The following DCBLD2 variants were observed in gnomAD, a reference collection of about 807,000 sequenced individuals.
DCBLD2 encodes discoidin, CUB and LCCL domain containing 2.
DCBLD2 carries 54 observed loss-of-function variants against 86.8 expected under a neutral mutation model. The observed-to-expected ratio is 0.62, with a 90% CI of 0.50 to 0.78. The LOEUF (loss-of-function observed/expected upper bound fraction) is 0.78. Ranked by LOEUF, DCBLD2 falls within the 30% of genes least tolerant of loss-of-function variation. DCBLD2 has a pLI of 0.00. For synonymous variants in DCBLD2, 354 were observed against 341.3 expected (o/e 1.04, Z -0.41); for missense variants, 908 against 954.2 (o/e 0.95, Z 0.64).
chr3:98,824,056 G>A (rs974526314), intron 4 of DCBLD2, among the ~76,000 whole-genome samples: 1 of 152,136 alleles, frequency 6.6e-6, no homozygotes, highest in East Asian at 1.9e-4. Flanking sequence ...AAGTGGGGAC[G>A]GCAGTGCAAG....
chr3:98,853,585 A>T (rs1037782102), intron 2 of DCBLD2, among the ~76,000 whole-genome samples: 4 of 152,190 alleles, frequency 2.6e-5, no homozygotes, highest in African/African-American at 9.7e-5. Flanking sequence ...GAGTATAGAG[A>T]CCTTATGGTC....
chr3:98,802,934 C>A (rs909420601), intron 13 of DCBLD2, among the ~76,000 whole-genome samples: 1 of 152,146 alleles, frequency 6.6e-6, no homozygotes, highest in African/African-American at 2.4e-5. Flanking sequence ...CAGTATCATG[C>A]TGTTTTGGTT....
chr3:98,846,827 T>C (rs1942733669), intron 3 of DCBLD2, among the ~76,000 whole-genome samples: 1 of 152,074 alleles, frequency 6.6e-6, no homozygotes, highest in African/African-American at 2.4e-5. Flanking sequence ...GACATTAAGG[T>C]TTCTGTGGGC....
intron 14 of DCBLD2, 64 bp from the exon 15 acceptor site, chr3:98,800,780 CAA>C (rs947267457): frequency 9.4e-6 from 15 of 1,600,946 alleles, no homozygotes; most frequent in Non-Finnish European, 1.2e-5. Flanking sequence ...ACAGTAGTAT[CAA>C]GAGAAAAATC....
At chr3:98,839,171 C>CTTTCTTTTT (rs1339367166) in intron 3 of DCBLD2, among the ~76,000 whole-genome samples, 1 of 48,282 alleles carries the variant, frequency 2.1e-5, no homozygotes, top group African/African-American at 7.6e-5. Flanking sequence ...TTCTTTCTTT[C>CTTTCTTTTT]CTTTCTTTCT....
At chr3:98,888,027 G>A (rs777834019) in intron 1 of DCBLD2, among the ~76,000 whole-genome samples, 12 of 151,790 alleles carry the variant, frequency 7.9e-5, no homozygotes, top group Non-Finnish European at 1.5e-4. Flanking sequence ...GATCTTTTTC[G>A]GGTCTCCCTA....
chr3:98,825,225 C>T (rs1942193248), intron 4 of DCBLD2, 90 bp downstream of exon 4: 2 of 987,166 alleles, frequency 2.0e-6, no homozygotes, highest in Non-Finnish European at 2.9e-6. Context: ...TATACATTAA[C>T]CCTAAGAGTA....
intron 3 of DCBLD2, among the ~76,000 whole-genome samples, chr3:98,832,360 C>T (rs557167124): frequency 1.4e-4 from 21 of 152,212 alleles, no homozygotes; most frequent in Non-Finnish European, 2.8e-4. Flanking sequence ...CTGAAGACGG[C>T]GTATCATTGG....
At chr3:98,817,202 C>T (rs1942037995) in intron 9 of DCBLD2, among the ~76,000 whole-genome samples, 1 of 152,202 alleles carries the variant, frequency 6.6e-6, no homozygotes, top group African/African-American at 2.4e-5. Flanking sequence ...TCCTCTGGCT[C>T]ATTCCAGCAT....
At chr3:98,812,532 G>T in intron 9 of DCBLD2, 50 bp from the exon 10 acceptor site, 1 of 1,527,762 alleles carries the variant, frequency 6.5e-7, no homozygotes, top group Non-Finnish European at 8.9e-7. Flanking sequence ...AGAGGTCAGG[G>T]CTAAATTTCT....
At chr3:98,862,302 T>G (rs1384501338) in intron 2 of DCBLD2, among the ~76,000 whole-genome samples, 1 of 152,162 alleles carries the variant, frequency 6.6e-6, no homozygotes, top group Non-Finnish European at 1.5e-5. Context: ...AAGGAGGAGC[T>G]GGTACCATTC....
intron 2 of DCBLD2, among the ~76,000 whole-genome samples, chr3:98,862,002 A>G (rs1168422874): frequency 1.3e-5 from 2 of 152,176 alleles, no homozygotes; most frequent in Non-Finnish European, 2.9e-5. Context: ...GAAAAGAGAG[A>G]AGAATCAAAT....
At chr3:98,899,588 G>T (rs1943813621) in intron 1 of DCBLD2, among the ~76,000 whole-genome samples, 1 of 152,132 alleles carries the variant, frequency 6.6e-6, no homozygotes, top group Non-Finnish European at 1.5e-5. Context: ...CCCTCATTTG[G>T]AAGGTAGACA....
intron 9 of DCBLD2, chr3:98,813,855 T>A (rs534470268): frequency 6.6e-6 from 1 of 152,282 alleles, no homozygotes; most frequent in South Asian, 2.1e-4. Flanking sequence ...GACAACCCTA[T>A]GAAATAGGAG....
At chr3:98,808,569 A>G (rs998128493) in intron 12 of DCBLD2, among the ~76,000 whole-genome samples, 1 of 152,208 alleles carries the variant, frequency 6.6e-6, no homozygotes, top group Non-Finnish European at 1.5e-5. Context: ...AACTAGTAAT[A>G]CATTAAAAAA....
chr3:98,824,750 T>C (rs935782767), intron 4 of DCBLD2, among the ~76,000 whole-genome samples: 4 of 152,050 alleles, frequency 2.6e-5, no homozygotes, highest in South Asian at 2.1e-4. Flanking sequence ...GTTAAGGAAA[T>C]CTGGACAACT....
intron 3 of DCBLD2, among the ~76,000 whole-genome samples, chr3:98,844,404 T>A (rs913754624): frequency 2.0e-5 from 3 of 150,836 alleles, no homozygotes; most frequent in Non-Finnish European, 4.4e-5. Flanking sequence ...GTTGCCCAGG[T>A]TGGAGTGCAG....
intron 2 of DCBLD2, among the ~76,000 whole-genome samples, chr3:98,866,022 T>C (rs1427173319): frequency 2.0e-5 from 3 of 151,996 alleles, no homozygotes; most frequent in African/African-American, 4.8e-5. Flanking sequence ...ATCCATGTCC[T>C]TACAAAGGAC....
chr3:98,831,190 C>T (rs1942314312), intron 3 of DCBLD2, among the ~76,000 whole-genome samples: 2 of 151,224 alleles, frequency 1.3e-5, no homozygotes, highest in South Asian at 4.2e-4. Context: ...CAGGCACATG[C>T]CACCATGCTG....
Sources: gnomAD v4.1 joint callset for allele counts (sites outside exome capture counted in the v4.1 genomes callset) on GRCh38, gnomAD v4.1.1 for gene constraint, MANE v1.5 for transcripts, NCBI Gene and HGNC (gene_info 2026-07-23, HGNC 2026-07-21) for gene names.